The following TRPC4AP variants were observed in gnomAD, a reference collection of about 807,000 sequenced individuals.
TRPC4AP encodes short transient receptor potential channel 4-associated protein.
TRPC4AP carries 45 observed loss-of-function variants against 99.0 expected under a neutral mutation model. The ratio of observed to expected loss-of-function variants is 0.45; its 90% CI spans 0.36 to 0.58. The LOEUF (loss-of-function observed/expected upper bound fraction) is 0.58, where lower values mean the gene tolerates loss of function less well. Ranked by LOEUF, TRPC4AP falls within the 20% of genes least tolerant of loss-of-function variation. TRPC4AP has a pLI of 0.00. For missense variants in TRPC4AP, 879 were observed against 985.3 expected, an observed-to-expected ratio of 0.89 and a Z score of 1.44; for synonymous variants, 408 against 385.8, an observed-to-expected ratio of 1.06 and a Z score of -0.67.
chr20:35,077,269 G>A (rs956850759), intron 2 of TRPC4AP, among the ~76,000 whole-genome samples: 12 of 152,142 alleles, frequency 7.9e-5, no homozygotes, highest in Non-Finnish European at 1.0e-4. Flanking sequence ...TGCACCCACT[G>A]TCTGACAAGC....
At chr20:35,010,321 C>T in intron 11 of TRPC4AP, 33 bp from the exon 12 acceptor site, 1 of 1,588,062 alleles carries the variant, frequency 6.3e-7, no homozygotes, top group Non-Finnish European at 8.6e-7. Flanking sequence ...AGGTAAAGGA[C>T]AGGAACTGGG....
At chr20:35,007,374 C>G (rs1158256495) in intron 14 of TRPC4AP, among the ~76,000 whole-genome samples, 176 bp downstream of exon 14, 1 of 152,244 alleles carries the variant, frequency 6.6e-6, no homozygotes. Context: ...CGTAAGCACC[C>G]ATGGGGAACC....
At chr20:35,074,169 T>C (rs1228455597) in intron 2 of TRPC4AP, among the ~76,000 whole-genome samples, 2 of 152,212 alleles carry the variant, frequency 1.3e-5, no homozygotes, top group Non-Finnish European at 2.9e-5. Flanking sequence ...TCTCTTTTCT[T>C]ATTAGTCTTG....
intron 7 of TRPC4AP, among the ~76,000 whole-genome samples, chr20:35,042,199 T>C (rs1440610542): frequency 2.0e-5 from 3 of 152,176 alleles, no homozygotes; most frequent in Non-Finnish European, 4.4e-5. Flanking sequence ...AAGGAAGACC[T>C]TGTATCTAGT....
intron 8 of TRPC4AP, 147 bp from the exon 9 acceptor site, chr20:35,021,503 C>T: frequency 1.1e-6 from 1 of 872,284 alleles, no homozygotes; most frequent in African/African-American, 1.7e-5. Flanking sequence ...TGCAAAACTC[C>T]CTCCACAATC....
chr20:35,092,157 G>A lies in TRPC4AP; in HGVS notation c.168+457C>T, dbSNP rs1410448515. Among the ~76,000 whole-genome samples the A allele has an allele frequency of 3.9e-5, 6 of 152,320 alleles. No individual in the cohort carries two copies. The East Asian group carries it at 1.2e-3, about 29-fold the overall frequency. The stretch of plus-strand genomic sequence containing the variant: ...TAACAATGGGGACCTACTTTAGAAA[G>A]GGGAAGGAAAGAGTGTCAAGGAAAG... On this transcript the variant is annotated intron_variant, in intron 1 of 18. Transcript: ENST00000252015.
intron 2 of TRPC4AP, among the ~76,000 whole-genome samples, chr20:35,074,716 C>G (rs558809324): frequency 6.6e-6 from 1 of 152,192 alleles, no homozygotes; most frequent in East Asian, 1.9e-4. Flanking sequence ...GGAATAAGTG[C>G]GACGTGGCGC....
At chr20:35,080,804 G>GTTTTT (rs34370030) in intron 1 of TRPC4AP, among the ~76,000 whole-genome samples, 114 of 49,582 alleles carry the variant, frequency 2.3e-3, no homozygotes, top group African/African-American at 5.1e-3. Context: ...GTACACTTCA[G>GTTTTT]TTTTTTTTTT....
intron 5 of TRPC4AP, among the ~76,000 whole-genome samples, chr20:35,052,723 C>T (rs895251445): frequency 6.6e-6 from 1 of 152,144 alleles, no homozygotes; most frequent in Non-Finnish European, 1.5e-5. Context: ...AACTCCTGAC[C>T]TCAAGTGATC....
At chr20:35,081,085 A>G (rs937693001) in intron 1 of TRPC4AP, among the ~76,000 whole-genome samples, 1 of 152,210 alleles carries the variant, frequency 6.6e-6, no homozygotes, top group Non-Finnish European at 1.5e-5. Context: ...TTTAAGAAAT[A>G]TTTAAAAGAA....
At chr20:35,062,389 T>C (rs1308835409) in intron 3 of TRPC4AP, among the ~76,000 whole-genome samples, 1 of 152,214 alleles carries the variant, frequency 6.6e-6, no homozygotes, top group South Asian at 2.1e-4. Flanking sequence ...TTATTAATCA[T>C]AGCAGATTAC....
intron 7 of TRPC4AP, among the ~76,000 whole-genome samples, chr20:35,043,940 A>T (rs2147358622): frequency 6.6e-6 from 1 of 152,312 alleles, no homozygotes; most frequent in Admixed American, 6.5e-5. Flanking sequence ...AAGTATATGC[A>T]TTTGTAATTC....
In TRPC4AP at chr20:35,071,552, G is replaced by T. The variant is rs563099767; in HGVS notation, c.298-2140C>A. On this transcript the variant is annotated intron_variant, in intron 2 of 18. Transcript: ENST00000252015. Reference sequence around the variant, plus strand: ...CGGTGTTTGGTTTTCTGTCCTTAACGATAGTTTGCTCAGAATGATGGTTTC... The same window carrying T: ...CGGTGTTTGGTTTTCTGTCCTTAACTATAGTTTGCTCAGAATGATGGTTTC... 2.0e-5 allele frequency among the ~76,000 whole-genome samples: 3 copies of T among 151,404 alleles called. No individual in the cohort carries two copies. The East Asian group carries it at 5.9e-4, about 30-fold the overall frequency.
chr20:35,086,573 G>GTATATATATA (rs1440590409), intron 1 of TRPC4AP, among the ~76,000 whole-genome samples: 1 of 41,514 alleles, frequency 2.4e-5, no homozygotes, highest in African/African-American at 7.0e-5. Flanking sequence ...GTGTGTGTGT[G>GTATATATATA]TGTATATATA....
At chr20:35,008,068 T>C (rs1011832833) in intron 13 of TRPC4AP, among the ~76,000 whole-genome samples, 5 of 152,170 alleles carry the variant, frequency 3.3e-5, no homozygotes, top group African/African-American at 7.2e-5. Context: ...GAAGTAGTGG[T>C]TGATGCTGAC....
intron 3 of TRPC4AP, among the ~76,000 whole-genome samples, chr20:35,059,979 G>A (rs1234356437): frequency 1.3e-5 from 2 of 151,964 alleles, no homozygotes; most frequent in Non-Finnish European, 2.9e-5. Context: ...CCTATAACAA[G>A]TAGAGACTGA....
intron 4 of TRPC4AP, among the ~76,000 whole-genome samples, chr20:35,057,302 G>A (rs1290872437): frequency 1.3e-5 from 2 of 152,172 alleles, no homozygotes; most frequent in Non-Finnish European, 2.9e-5. Context: ...GTACAAAGAT[G>A]CATTCTCTTA....
chr20:35,087,203 G>A (rs1291372456), intron 1 of TRPC4AP, among the ~76,000 whole-genome samples: 6 of 151,140 alleles, frequency 4.0e-5, no homozygotes, highest in Non-Finnish European at 8.8e-5. Flanking sequence ...GCCAGGCGTG[G>A]TGGCGGGCAC....
At chr20:35,006,011 ACT>A in intron 15 of TRPC4AP, among the ~76,000 whole-genome samples, 1 of 152,026 alleles carries the variant, frequency 6.6e-6, no homozygotes, top group East Asian at 1.9e-4. Context: ...CAGATCCGAC[ACT>A]CTCTCCAGTG....
Sources: gnomAD v4.1 joint callset for allele counts (sites outside exome capture counted in the v4.1 genomes callset) on GRCh38, gnomAD v4.1.1 for gene constraint, MANE v1.5 for transcripts, NCBI Gene and HGNC (gene_info 2026-07-23, HGNC 2026-07-21) for gene names.